RPS3A: variants seen among roughly 807,000 people sequenced by gnomAD.
RPS3A encodes the protein ribosomal protein S3A.
In RPS3A, 1 loss-of-function variant was observed where a neutral mutation model predicts 26.4. The observed-to-expected ratio is 0.04, with a 90% CI of 0.01 to 0.18. The LOEUF is 0.18. RPS3A is among the 10% of genes least tolerant of loss of function. The pLI is 1.00. For synonymous variants in RPS3A, 97 were observed against 106.1 expected (o/e 0.91, Z 0.53); for missense variants, 139 against 326.8 (o/e 0.43, Z 4.43).
In RPS3A at chr4:151,099,638, TC is replaced by T. The variant is rs772936044; in HGVS notation, c.-14del. 6.2e-7 allele frequency: 1 copy of T among 1,613,354 alleles called. No homozygotes were observed. The highest frequency in any genetic ancestry group is 8.5e-7 in the Non-Finnish European group (1 of 1,179,810). ...CGACTCCCACTTCCGCCCTTTTGGC[TC>T]TCTGACCAGCACCATGGCGGTTGGC... is the stretch of plus-strand genomic sequence containing the variant. On this transcript the variant is annotated 5_prime_UTR_variant, in exon 1 of 6. Coordinates refer to ENST00000274065, the MANE Select transcript of RPS3A (RefSeq NM_001006.5).
chr4:151,100,690 G>A lies in RPS3A; in HGVS notation c.166+102G>A, dbSNP rs1747080722. 8.1e-6 allele frequency: 6 copies of A among 741,246 alleles called. No homozygotes were observed. In the South Asian group the frequency reaches 1.0e-4, roughly 12 times the overall value. The allele number at this position is 741,246 out of a possible 1,614,324, so 45.9% of individuals were successfully genotyped here. On this transcript the variant is annotated intron_variant, in intron 2 of 5. Coordinates refer to ENST00000274065, the MANE Select transcript of RPS3A (RefSeq NM_001006.5). The stretch of plus-strand genomic sequence containing the variant: ...TGGTCCTGTGGTGGGAGACTTTAAG[G>A]AAATGTCAGCTCTTGGTTGCAGCCT...
In RPS3A at chr4:151,102,906, C is replaced by T. The variant is rs1747194651; in HGVS notation, c.390C>T (p.Thr130=). The change falls in exon 4 of 6, where the codon ACC becomes ACT. Residue 130 remains threonine, a synonymous_variant. Coordinates refer to ENST00000274065, the MANE Select transcript of RPS3A (RefSeq NM_001006.5). ...MIEAHVDVKT[T]DGYLLRLFCV... ...AAGCTCACGTTGATGTCAAGACTAC[C>T]GATGGTTACTTGCTTCGTCTGTTCT... 67 of 1,611,088 alleles carry T rather than the reference C, an allele frequency of 4.2e-5. No homozygotes were observed. The East Asian group carries it at 4.5e-4, about 11-fold the overall frequency.
In RPS3A at chr4:151,104,295, G is replaced by C. The variant is rs1351967437; in HGVS notation, c.673+9G>C. ...GAAGCCCAAGTTTGAATGTAAGTGA[G>C]AAATCACATGATTCCTGTAGGGCCA... On this transcript the variant is annotated intron_variant, in intron 5 of 5. Transcript: ENST00000274065. 5.6e-6 allele frequency: 9 copies of C among 1,612,428 alleles called. No individual in the cohort carries two copies. The African/African-American group carries it at 1.2e-4, about 22-fold the overall frequency.
At chr4:151,100,912 T>C in intron 2 of RPS3A, 63 bp from the exon 3 acceptor site, 1 of 1,181,094 alleles carries the variant, frequency 8.5e-7, no homozygotes, top group South Asian at 1.5e-5. Context: ...ACCCTCAGTT[T>C]ACAGGCTTGA....
At chr4:151,102,655 G>T (rs939419379) in intron 3 of RPS3A, 1 of 550,628 alleles carries the variant, frequency 1.8e-6, no homozygotes, top group Non-Finnish European at 3.2e-6. Flanking sequence ...AGGGAGGGCA[G>T]TTGAGAGGAC....
chr4:151,099,790 T>A, intron 1 of RPS3A, 76 bp downstream of exon 1: 2 of 1,458,934 alleles, frequency 1.4e-6, no homozygotes, highest in Non-Finnish European at 1.9e-6. Flanking sequence ...GATCGCGGCG[T>A]AGGCCGGATG....
intron 3 of RPS3A, chr4:151,102,007 A>G: frequency 2.0e-6 from 1 of 511,090 alleles, no homozygotes; most frequent in Non-Finnish European, 3.9e-6. Context: ...TGCTGGGATT[A>G]CAGGTGTGAG....
chr4:151,103,899 A>G (rs1298601349), intron 4 of RPS3A: 1 of 1,467,206 alleles, frequency 6.8e-7, no homozygotes, highest in Non-Finnish European at 9.1e-7. Flanking sequence ...GTTCCCATGC[A>G]ATATACAGTT....
intron 3 of RPS3A, 118 bp downstream of exon 3, chr4:151,101,280 C>T (rs1561164325): frequency 1.7e-6 from 1 of 572,048 alleles, no homozygotes; most frequent in Non-Finnish European, 2.8e-6. Context: ...AGTGAAATGT[C>T]CACAAAGTTC....
At chr4:151,104,448 T>TTTTTTTTTTTTTTTTTG in intron 5 of RPS3A, 24 bp from the exon 6 acceptor site, 1 of 1,388,872 alleles carries the variant, frequency 7.2e-7, no homozygotes, top group Non-Finnish European at 9.3e-7. Context: ...GGTTTTTTTT[T>TTTTTTTTTTTTTTTTTG]TTTTTTTTTT....
rs141899529 is a variant in RPS3A, at chr4:151,101,967, A to G, written c.354+805A>G. The G allele has an allele frequency of 3.0e-3, 1,365 of 462,192 alleles. 12 individuals are homozygous for G. The highest frequency in any genetic ancestry group is 0.025 in the African/African-American group (1,243 of 48,772). 28.6% of individuals were successfully genotyped at this position (462,192 alleles called of 1,614,324 possible). ...AGGCTGGTCTCGAACTCCTGACTTC[A>G]AGTGATCTGCCCGCCTCAGCCTCTC... is the stretch of plus-strand genomic sequence containing the variant. On this transcript the variant is annotated intron_variant, in intron 3 of 5. Coordinates refer to ENST00000274065, the MANE Select transcript of RPS3A (RefSeq NM_001006.5).
chr4:151,101,774 C>A (rs573352406), intron 3 of RPS3A, among the ~76,000 whole-genome samples: 1 of 152,204 alleles, frequency 6.6e-6, no homozygotes, highest in South Asian at 2.1e-4. Flanking sequence ...CTCTTATCGT[C>A]CGGGCTGGAG....
chr4:151,101,660 A>T (rs947233069), intron 3 of RPS3A, among the ~76,000 whole-genome samples: 2 of 152,146 alleles, frequency 1.3e-5, no homozygotes, highest in Non-Finnish European at 2.9e-5. Flanking sequence ...TAAGAGTGTC[A>T]TTTTATTGAA....
Position 151,104,300 on chromosome 4 carries a change from C to A in RPS3A, c.673+14C>A. On this transcript the variant is annotated intron_variant, in intron 5 of 5. Transcript: ENST00000274065. Reference sequence around the variant, plus strand: ...CCAAGTTTGAATGTAAGTGAGAAATCACATGATTCCTGTAGGGCCAAATAC... The same window carrying A: ...CCAAGTTTGAATGTAAGTGAGAAATAACATGATTCCTGTAGGGCCAAATAC... The A allele has an allele frequency of 6.2e-7, 1 of 1,611,944 alleles. No homozygotes were observed. Among genetic ancestry groups the A allele is most frequent in the Non-Finnish European group, 8.5e-7 (1 of 1,179,366 alleles).
At chr4:151,103,964 A>T in intron 4 of RPS3A, 2 of 1,521,580 alleles carry the variant, frequency 1.3e-6, no homozygotes. Context: ...AGACTCTACT[A>T]ACTTTGCCAC....
intron 2 of RPS3A, 144 bp downstream of exon 2, chr4:151,100,732 C>G: frequency 1.5e-6 from 1 of 646,258 alleles, no homozygotes; most frequent in Non-Finnish European, 2.7e-6. Flanking sequence ...CTGTGGTGAT[C>G]ATTTTTAGTA....
chr4:151,103,665 G>T, intron 4 of RPS3A: 2 of 1,081,502 alleles, frequency 1.8e-6, no homozygotes, highest in South Asian at 2.3e-5. Flanking sequence ...TACTCAGGAG[G>T]CTGAGGTGGT....
chr4:151,099,957 C>G (rs1579554906), intron 1 of RPS3A: 2 of 670,932 alleles, frequency 3.0e-6, no homozygotes, highest in Non-Finnish European at 5.5e-6. Context: ...CGGCGCGACT[C>G]GGCTGGAATG....
At chr4:151,102,047 T>A (rs777239274) in intron 3 of RPS3A, 1 of 518,324 alleles carries the variant, frequency 1.9e-6, no homozygotes, top group Non-Finnish European at 3.9e-6. Context: ...TCGAATATTT[T>A]GTATGTGGGA....
Sources: allele counts gnomAD v4.1 joint callset (sites outside exome capture counted in the v4.1 genomes callset), GRCh38; gene constraint gnomAD v4.1.1; transcripts MANE v1.5; gene names NCBI Gene and HGNC (gene_info 2026-07-23, HGNC 2026-07-21).